The following SDCCAG8 variants were observed in gnomAD, a reference collection of about 807,000 sequenced individuals.
The protein encoded by SDCCAG8 is SHH signaling and ciliogenesis regulator SDCCAG8.
Under a neutral mutation model 101.8 loss-of-function variants are expected in SDCCAG8, and 74 were observed. That is an observed-to-expected ratio of 0.73 (90% CI 0.60 to 0.88). The LOEUF (loss-of-function observed/expected upper bound fraction) is 0.88. Among genes scored for constraint, SDCCAG8 ranks in the 40% least tolerant of loss-of-function variants. The pLI is 0.00. For missense variants in SDCCAG8, 787 were observed against 822.6 expected, an observed-to-expected ratio of 0.96 and a Z score of 0.53; for synonymous variants, 281 against 292.9, an observed-to-expected ratio of 0.96 and a Z score of 0.41.
chr1:243,386,787 G>A (rs927882983), intron 13 of SDCCAG8, among the ~76,000 whole-genome samples: 1 of 151,858 alleles, frequency 6.6e-6, no homozygotes, highest in African/African-American at 2.4e-5. Flanking sequence ...GAGAGAGAGA[G>A]AGAAAGAAAG....
intron 16 of SDCCAG8, among the ~76,000 whole-genome samples, chr1:243,467,095 A>G (rs1421232265): frequency 1.3e-5 from 2 of 152,262 alleles, no homozygotes; most frequent in African/African-American, 2.4e-5. Context: ...GCTAAATTCC[A>G]GGTAACACAT....
intron 16 of SDCCAG8, among the ~76,000 whole-genome samples, chr1:243,435,891 T>A (rs1558465685): frequency 6.6e-6 from 1 of 152,094 alleles, no homozygotes; most frequent in Admixed American, 6.5e-5. Flanking sequence ...AAAATTTTTT[T>A]ATGCAAGTTT....
chr1:243,440,674 A>T (rs2082475335), intron 16 of SDCCAG8, among the ~76,000 whole-genome samples: 1 of 152,226 alleles, frequency 6.6e-6, no homozygotes, highest in Non-Finnish European at 1.5e-5. Flanking sequence ...ATAATGAATT[A>T]ACTGCTTTGT....
At chr1:243,443,288 CGAA>C (rs2148102902) in intron 16 of SDCCAG8, among the ~76,000 whole-genome samples, 1 of 152,220 alleles carries the variant, frequency 6.6e-6, no homozygotes, top group African/African-American at 2.4e-5. Context: ...ACAAAAAGGG[CGAA>C]GAAGATGCAT....
At chr1:243,485,002 C>CCA (rs1206823980) in intron 16 of SDCCAG8, among the ~76,000 whole-genome samples, 1 of 151,520 alleles carries the variant, frequency 6.6e-6, no homozygotes, top group Non-Finnish European at 1.5e-5. Flanking sequence ...CAAGATTATG[C>CCA]CACTGCACTC....
chr1:243,357,753 G>C (rs2932631), intron 12 of SDCCAG8, among the ~76,000 whole-genome samples: 119,171 of 152,186 alleles, frequency 0.78, 49,135 homozygotes, highest in East Asian at 0.93. Flanking sequence ...AGCAAAGGGT[G>C]TGGCCTACTG....
At chr1:243,415,562 G>T in intron 13 of SDCCAG8, 140 bp from the exon 14 acceptor site, 1 of 1,134,654 alleles carries the variant, frequency 8.8e-7, no homozygotes, top group African/African-American at 1.5e-5. Flanking sequence ...CCTAAAGTGG[G>T]GGAGGGTCAT....
intron 1 of SDCCAG8, among the ~76,000 whole-genome samples, chr1:243,266,038 T>A (rs1039902794): frequency 9.2e-5 from 14 of 152,118 alleles, no homozygotes; most frequent in African/African-American, 2.9e-4. Flanking sequence ...GCAACAAAAA[T>A]TTTTTATTGT....
In SDCCAG8 at chr1:243,312,849, T is replaced by A. The variant is rs559341305; in HGVS notation, c.930-3906T>A. ...GGAGAATATACTTAACAACTATTGA[T>A]GACATTGGATATATTTTTTATGTTG... On this transcript the variant is annotated intron_variant, in intron 8 of 17. Coordinates refer to ENST00000366541, the MANE Select transcript of SDCCAG8 (RefSeq NM_006642.5). 1.1e-4 allele frequency among the ~76,000 whole-genome samples: 16 copies of A among 152,268 alleles called. No homozygotes were observed. The South Asian group carries it at 1.7e-3, about 16-fold the overall frequency.
chr1:243,285,789 T>C (rs1283678992), intron 4 of SDCCAG8, among the ~76,000 whole-genome samples: 1 of 152,160 alleles, frequency 6.6e-6, no homozygotes, highest in Non-Finnish European at 1.5e-5. Context: ...CCATGAAATG[T>C]TTTACTACAA....
intron 3 of SDCCAG8, among the ~76,000 whole-genome samples, chr1:243,272,929 A>T (rs2068212128): frequency 6.6e-6 from 1 of 152,228 alleles, no homozygotes; most frequent in Non-Finnish European, 1.5e-5. Context: ...TAAAATGTAG[A>T]TATCTAAACT....
intron 16 of SDCCAG8, among the ~76,000 whole-genome samples, chr1:243,433,422 T>G (rs1195083356): frequency 6.6e-6 from 1 of 152,014 alleles, no homozygotes; most frequent in African/African-American, 2.4e-5. Flanking sequence ...CCTTTCTGTT[T>G]GGGCTGGCCT....
At chr1:243,294,594 G>T (rs1178666040) in intron 6 of SDCCAG8, among the ~76,000 whole-genome samples, 8 of 149,002 alleles carry the variant, frequency 5.4e-5, no homozygotes, top group African/African-American at 1.7e-4. Context: ...ATTTAACCAG[G>T]CTTGCTCTGA....
At chr1:243,287,983 A>T (rs2069797561) in intron 5 of SDCCAG8, among the ~76,000 whole-genome samples, 1 of 152,250 alleles carries the variant, frequency 6.6e-6, no homozygotes, top group African/African-American at 2.4e-5. Context: ...AGTCAGAATC[A>T]TAGAAAGGAT....
chr1:243,477,002 A>G (rs1447908693), intron 16 of SDCCAG8, among the ~76,000 whole-genome samples: 1 of 61,006 alleles, frequency 1.6e-5, no homozygotes, highest in Non-Finnish European at 4.0e-5. Flanking sequence ...GGTTCTGTAC[A>G]CACACACACA....
chr1:243,446,097 C>T (rs1052246287), intron 16 of SDCCAG8, among the ~76,000 whole-genome samples: 3 of 152,026 alleles, frequency 2.0e-5, no homozygotes, highest in African/African-American at 7.3e-5. Flanking sequence ...ATGTGTTTGA[C>T]AGAGGGAAAA....
At chr1:243,492,080 G>A (rs1666569724) in intron 17 of SDCCAG8, among the ~76,000 whole-genome samples, 2 of 152,050 alleles carry the variant, frequency 1.3e-5, no homozygotes, top group South Asian at 4.1e-4. Flanking sequence ...CCAACAGGAA[G>A]TGTCTAGCCT....
At chr1:243,320,789 G>A (rs572815980) in intron 9 of SDCCAG8, among the ~76,000 whole-genome samples, 3 of 152,168 alleles carry the variant, frequency 2.0e-5, no homozygotes, top group South Asian at 2.1e-4. Flanking sequence ...AATAAATAGC[G>A]GTGGTGGTGA....
chr1:243,492,295 CTTTTTTTT>C (rs33950392), intron 17 of SDCCAG8, among the ~76,000 whole-genome samples: 1 of 63,130 alleles, frequency 1.6e-5, no homozygotes, highest in African/African-American at 6.6e-5. Flanking sequence ...CGTTTCTTGG[CTTTTTTTT>C]TTTTTTTTTT....
Sources: allele counts gnomAD v4.1 joint callset (sites outside exome capture counted in the v4.1 genomes callset), GRCh38; gene constraint gnomAD v4.1.1; transcripts MANE v1.5; gene names NCBI Gene and HGNC (gene_info 2026-07-23, HGNC 2026-07-21).